DIAPH2: variants seen among roughly 807,000 people sequenced by gnomAD.
DIAPH2 encodes protein diaphanous homolog 2.
A neutral mutation model predicts 92.7 loss-of-function variants in DIAPH2; 35 were observed. The observed-to-expected ratio is 0.38, with a 90% CI of 0.29 to 0.50. The LOEUF (loss-of-function observed/expected upper bound fraction) is 0.50, where lower values mean the gene tolerates loss of function less well. Ranked by LOEUF, DIAPH2 falls within the 20% of genes least tolerant of loss-of-function variation. The pLI is 0.94. For missense variants in DIAPH2, 701 were observed against 819.5 expected (o/e 0.86, Z 1.77); for synonymous variants, 301 against 280.4 (o/e 1.07, Z -0.73).
intron 21 of DIAPH2, among the ~76,000 whole-genome samples, chrX:97,140,445 A>G (rs1176895748): frequency 3.6e-5 from 4 of 111,847 alleles, no homozygotes; most frequent in African/African-American, 1.3e-4. Context: ...TTAGTGGATC[A>G]GCATGATAAT....
chrX:97,414,069 A>C (rs1319887745), intron 25 of DIAPH2, among the ~76,000 whole-genome samples: 1 of 111,793 alleles, frequency 8.9e-6, no homozygotes, highest in African/African-American at 3.3e-5. Flanking sequence ...GTTCACATGG[A>C]ACCAAAAAAA....
chrX:97,143,412 T>C lies in DIAPH2; in HGVS notation c.2719+1618T>C, dbSNP rs762747727. On this transcript the variant is annotated intron_variant, in intron 22 of 26. Coordinates refer to ENST00000324765, the MANE Select transcript of DIAPH2 (RefSeq NM_006729.5). ...AGTTTTCTTTGTTCAACATGTATAA[T>C]CAATTTTTACAACATTTTGGAAAGA... Among the ~76,000 whole-genome samples, 199 of 110,445 alleles carry C rather than the reference T, an allele frequency of 1.8e-3. 1 individual carries two copies. The highest frequency in any genetic ancestry group is 6.4e-3 in the African/African-American group (195 of 30,499).
At chrX:97,099,616 C>A in intron 19 of DIAPH2, 78 bp from the exon 20 acceptor site, 1 of 603,444 alleles carries the variant, frequency 1.7e-6, no homozygotes, top group South Asian at 4.7e-5. Context: ...CCTAGTTAAT[C>A]ACTTTCATAA....
intron 22 of DIAPH2, among the ~76,000 whole-genome samples, chrX:97,158,693 C>G (rs753430725): frequency 8.9e-6 from 1 of 112,131 alleles, no homozygotes; most frequent in Non-Finnish European, 1.9e-5. Context: ...CATTATTATC[C>G]TCTTTAGTTT....
intron 4 of DIAPH2, among the ~76,000 whole-genome samples, chrX:96,874,914 A>G (rs1454369318): frequency 2.7e-5 from 3 of 111,940 alleles, no homozygotes; most frequent in Non-Finnish European, 5.6e-5. Context: ...GACATTTCTA[A>G]TACAGGCTGA....
At chrX:96,786,708 C>G (rs1260856477) in intron 4 of DIAPH2, among the ~76,000 whole-genome samples, 1 of 111,503 alleles carries the variant, frequency 9.0e-6, no homozygotes. Context: ...GACACTAATC[C>G]TTTTACTTTA....
intron 23 of DIAPH2, among the ~76,000 whole-genome samples, chrX:97,305,309 A>C (rs748257017): frequency 2.7e-5 from 3 of 110,207 alleles, no homozygotes; most frequent in African/African-American, 6.6e-5. Context: ...CCTGGTCAAC[A>C]TGGTGAAACT....
At chrX:96,862,434 G>A (rs2065077851) in intron 4 of DIAPH2, among the ~76,000 whole-genome samples, 1 of 111,568 alleles carries the variant, frequency 9.0e-6, no homozygotes, top group Admixed American at 9.5e-5. Context: ...TGAGATTAAT[G>A]AGCATTCATC....
chrX:97,163,600 C>A (rs1010926988), intron 22 of DIAPH2, among the ~76,000 whole-genome samples: 1 of 112,117 alleles, frequency 8.9e-6, no homozygotes, highest in Non-Finnish European at 1.9e-5. Flanking sequence ...CAGGAAGTGA[C>A]TGAAGCTTTT....
chrX:97,447,695 T>G (rs1382525052), intron 26 of DIAPH2, among the ~76,000 whole-genome samples: 2 of 111,800 alleles, frequency 1.8e-5, no homozygotes, highest in Non-Finnish European at 3.8e-5. Flanking sequence ...TGTAAAATGT[T>G]GAAAGCACGG....
chrX:97,597,110 C>T (rs1382084137), intron 26 of DIAPH2, among the ~76,000 whole-genome samples: 2 of 111,674 alleles, frequency 1.8e-5, no homozygotes, highest in Non-Finnish European at 3.8e-5. Context: ...GCAACTTTTA[C>T]AGAATTGCTT....
chrX:97,083,076 A>G (rs988961392), intron 19 of DIAPH2, among the ~76,000 whole-genome samples: 4 of 112,252 alleles, frequency 3.6e-5, no homozygotes, highest in African/African-American at 1.3e-4. Context: ...TAAGGAATAA[A>G]TCTTTACATT....
chrX:96,790,266 T>C (rs922066127), intron 4 of DIAPH2, among the ~76,000 whole-genome samples: 1 of 109,797 alleles, frequency 9.1e-6, no homozygotes, highest in Non-Finnish European at 1.9e-5. Flanking sequence ...AGACAGGGTT[T>C]CTCTATGTTG....
intron 26 of DIAPH2, among the ~76,000 whole-genome samples, chrX:97,575,293 T>C (rs1031981518): frequency 8.9e-6 from 1 of 112,614 alleles, no homozygotes; most frequent in African/African-American, 3.2e-5. Context: ...TAGCTCCTGG[T>C]GGTTTTCTGG....
At chrX:97,516,999 C>T (rs1328084755) in intron 26 of DIAPH2, among the ~76,000 whole-genome samples, 2 of 112,305 alleles carry the variant, frequency 1.8e-5, no homozygotes, top group African/African-American at 6.5e-5. Flanking sequence ...TCAAGGTGTA[C>T]AGCATGATAT....
rs138317926 is a variant in DIAPH2, at chrX:96,753,365, A to G, written c.343-4789A>G. On this transcript the variant is annotated intron_variant, in intron 3 of 26. Transcript: ENST00000324765. The stretch of plus-strand genomic sequence containing the variant: ...GTAAGATAATAAAATCAAGAGGGTG[A>G]ATTAACAGAGGTGTAAGTATTTCAA... Among the ~76,000 whole-genome samples, 167 of 112,074 alleles carry G rather than the reference A, an allele frequency of 1.5e-3. 5 individuals are homozygous for G. In the East Asian group the frequency reaches 0.04, roughly 27 times the overall value.
At chrX:96,942,326 C>T (rs752587931) in intron 13 of DIAPH2, among the ~76,000 whole-genome samples, 190 bp downstream of exon 13, 3 of 110,806 alleles carry the variant, frequency 2.7e-5, no homozygotes, top group Non-Finnish European at 1.9e-5. Context: ...GAGAGTTCTG[C>T]CTGTGTGATT....
At chrX:96,793,758 C>T (rs3135400) in intron 4 of DIAPH2, 100,883 of 273,798 alleles carry the variant, frequency 0.37, 15,459 homozygotes, top group African/African-American at 0.75. Context: ...AATCACATTG[C>T]AGGTTGGACT....
At chrX:97,593,478 TAA>T (rs1167892523) in intron 26 of DIAPH2, among the ~76,000 whole-genome samples, 1 of 101,081 alleles carries the variant, frequency 9.9e-6, no homozygotes, top group Non-Finnish European at 2.0e-5. Context: ...TAGTTACATG[TAA>T]AAAAAAAAAA....
Sources: gnomAD v4.1 joint callset for allele counts (sites outside exome capture counted in the v4.1 genomes callset) on GRCh38, gnomAD v4.1.1 for gene constraint, MANE v1.5 for transcripts, NCBI Gene and HGNC (gene_info 2026-07-23, HGNC 2026-07-21) for gene names.